ADAM23: variants seen among roughly 807,000 people sequenced by gnomAD.
ADAM23 encodes the protein ADAM metallopeptidase domain 23, also known as disintegrin and metalloproteinase domain-containing protein 23.
Under a neutral mutation model 120.1 loss-of-function variants are expected in ADAM23, and 33 were observed. That is an observed-to-expected ratio of 0.27 (90% confidence interval 0.21 to 0.37). ADAM23 has a LOEUF of 0.37. ADAM23 is among the 10% of genes least tolerant of loss of function. The probability of loss-of-function intolerance (pLI) is 1.00; values close to 1 mark genes in which losing one functional copy is unlikely to be tolerated. For synonymous variants in ADAM23, 367 were observed against 375.2 expected (o/e 0.98, Z 0.25); for missense variants, 862 against 1,058.2 (o/e 0.81, Z 2.57).
intron 15 of ADAM23, among the ~76,000 whole-genome samples, chr2:206,568,804 T>C (rs567614512): frequency 3.1e-4 from 47 of 152,336 alleles, no homozygotes; most frequent in African/African-American, 1.0e-3. Context: ...AGCGAAATAA[T>C]GTTAACCTTT....
intron 17 of ADAM23, 101 bp downstream of exon 17, chr2:206,571,917 G>A: frequency 1.9e-6 from 2 of 1,051,540 alleles, no homozygotes; most frequent in Non-Finnish European, 2.9e-6. Context: ...AAATTTCTTG[G>A]GTACAGTGTA....
intron 4 of ADAM23, among the ~76,000 whole-genome samples, chr2:206,531,629 C>T (rs954953665): frequency 2.6e-5 from 4 of 152,132 alleles, no homozygotes; most frequent in African/African-American, 7.2e-5. Context: ...CAGTGACCTC[C>T]GTCAGTCAGG....
rs1698981308 is a variant in ADAM23 at position 206,618,602 on chromosome 2, C to A, written c.*975C>A. On this transcript the variant is annotated 3_prime_UTR_variant, in exon 26 of 26. Coordinates refer to ENST00000264377, the MANE Select transcript of ADAM23 (RefSeq NM_003812.4). ...TCCTTCTCTCTTGTAACGTGTTATA[C>A]AATGACTCTTGGGCTTGCTTAAAAA... 6.6e-6 allele frequency: 1 copy of A among 152,098 alleles called. No homozygotes were observed. The highest frequency in any genetic ancestry group is 2.1e-4 in the South Asian group (1 of 4,826). 9.4% of individuals were successfully genotyped at this position (152,098 alleles called of 1,614,324 possible).
intron 2 of ADAM23, among the ~76,000 whole-genome samples, chr2:206,470,237 T>C (rs1447255937): frequency 1.3e-5 from 2 of 152,142 alleles, no homozygotes; most frequent in African/African-American, 2.4e-5. Flanking sequence ...ATTCCTCAGA[T>C]ACATAATAGA....
In ADAM23 at chr2:206,619,041, C is replaced by G. The variant is rs1010333452; in HGVS notation, c.*1414C>G. On this transcript the variant is annotated 3_prime_UTR_variant, in exon 26 of 26. Coordinates refer to ENST00000264377, the MANE Select transcript of ADAM23 (RefSeq NM_003812.4). ...TTAGTGTCAATATTTCATCCATGCTCATTTTCCTGCCTCAAAATATATATG... is the reference window on the plus strand; with the variant it reads ...TTAGTGTCAATATTTCATCCATGCTGATTTTCCTGCCTCAAAATATATATG... 6.6e-6 allele frequency: 1 copy of G among 152,218 alleles called. No individual in the cohort carries two copies. The highest frequency in any genetic ancestry group is 2.4e-5 in the African/African-American group (1 of 41,458). 9.4% of individuals were successfully genotyped at this position (152,218 alleles called of 1,614,324 possible). A position where few individuals can be genotyped will look rare whatever the true frequency, so the allele number is the denominator to read the frequency against.
In ADAM23 at chr2:206,464,312, C is replaced by T. The variant is rs1169956989; in HGVS notation, c.433-16920C>T. Among the ~76,000 whole-genome samples the T allele has an allele frequency of 6.6e-5, 10 of 152,206 alleles. 1 individual carries two copies. The highest frequency in any genetic ancestry group is 1.7e-4 in the African/African-American group (7 of 41,528). ...AATTTTGACTGGGCATGGTGGCTGA[C>T]GCCTGTAATCCCAGCACTTTGGGAG... On this transcript the variant is annotated intron_variant, in intron 2 of 25. Transcript: ENST00000264377.
At chr2:206,449,633 A>G (rs932943153) in intron 2 of ADAM23, among the ~76,000 whole-genome samples, 8 of 152,138 alleles carry the variant, frequency 5.3e-5, no homozygotes, top group African/African-American at 1.4e-4. Context: ...AGCCGGGCGC[A>G]GTGGTGCGCA....
chr2:206,586,569 C>T (rs1392572914), intron 18 of ADAM23, among the ~76,000 whole-genome samples: 5 of 152,174 alleles, frequency 3.3e-5, no homozygotes, highest in Admixed American at 6.5e-5. Context: ...CCTCAGTGCA[C>T]ACTGCTGTTT....
intron 3 of ADAM23, among the ~76,000 whole-genome samples, chr2:206,494,850 T>C (rs1367584603): frequency 3.3e-5 from 5 of 152,114 alleles, no homozygotes; most frequent in African/African-American, 1.2e-4. Flanking sequence ...ATGTGACGAA[T>C]GCACAAGCCT....
chr2:206,500,563 A>G lies in ADAM23; in HGVS notation c.509+19255A>G, dbSNP rs77663216. ...TTAGTATAATTTGACTACTAGCTCT[A>G]TAGGTAATACCTTTCACAGAGAAGC... On this transcript the variant is annotated intron_variant, in intron 3 of 25. Transcript: ENST00000264377. Among the ~76,000 whole-genome samples, 8 of 152,288 alleles carry G rather than the reference A, an allele frequency of 5.3e-5. No individual in the cohort carries two copies. In the East Asian group the frequency reaches 1.4e-3, roughly 26 times the overall value.
Position 206,617,832 on chromosome 2 carries a change from C to A in ADAM23, c.*205C>A. The A allele has an allele frequency of 8.9e-7, 1 of 1,117,962 alleles. No individual in the cohort carries two copies. Among genetic ancestry groups the A allele is most frequent in the Non-Finnish European group, 1.2e-6 (1 of 847,520 alleles). 69.3% of individuals were successfully genotyped at this position (1,117,962 alleles called of 1,614,324 possible). A position where few individuals can be genotyped will look rare whatever the true frequency, so the allele number is the denominator to read the frequency against. Reference sequence around the variant, plus strand: ...TCAAAGAACACCTTTCACCACCTGTCAGTAAACGGGGGAGGGGGCAAAAGA... The same window carrying A: ...TCAAAGAACACCTTTCACCACCTGTAAGTAAACGGGGGAGGGGGCAAAAGA... On this transcript the variant is annotated 3_prime_UTR_variant, in exon 26 of 26. Transcript: ENST00000264377.
At chr2:206,593,459 C>T (rs1460129687) in intron 22 of ADAM23, among the ~76,000 whole-genome samples, 2 of 152,112 alleles carry the variant, frequency 1.3e-5, no homozygotes, top group Non-Finnish European at 2.9e-5. Context: ...ATATCTTCAC[C>T]TTAAGTGAGG....
intron 8 of ADAM23, among the ~76,000 whole-genome samples, chr2:206,549,140 T>C (rs1697461001): frequency 6.6e-6 from 1 of 151,982 alleles, no homozygotes; most frequent in African/African-American, 2.4e-5. Flanking sequence ...TTGCACATTT[T>C]AGATAATGTT....
chr2:206,544,487 CA>C (rs1184254525), intron 6 of ADAM23, among the ~76,000 whole-genome samples: 2 of 151,906 alleles, frequency 1.3e-5, no homozygotes, highest in Non-Finnish European at 2.9e-5. Flanking sequence ...GAGATTGAGC[CA>C]AATGGGGCTT....
At chr2:206,494,299 C>T (rs1476117454) in intron 3 of ADAM23, among the ~76,000 whole-genome samples, 1 of 152,154 alleles carries the variant, frequency 6.6e-6, no homozygotes, top group African/African-American at 2.4e-5. Flanking sequence ...GAGGCTCTCC[C>T]TTATTACTGT....
intron 3 of ADAM23, 122 bp downstream of exon 3, chr2:206,481,430 G>A (rs1020283900): frequency 1.0e-4 from 62 of 611,194 alleles, no homozygotes; most frequent in Non-Finnish European, 1.5e-4. Flanking sequence ...TTATTATAGA[G>A]CATGTAAAGT....
In ADAM23 at chr2:206,617,569, A is replaced by G; in HGVS notation, c.2451-10A>G. On this transcript the variant is annotated splice_polypyrimidine_tract_variant and intron_variant, in intron 25 of 25. Transcript: ENST00000264377. Reference sequence around the variant, plus strand: ...CTCTGCTTGCATCTTCTTTTGACTCACTCTGGAAGAAATGTCAAGAAGAGA... The same window carrying G: ...CTCTGCTTGCATCTTCTTTTGACTCGCTCTGGAAGAAATGTCAAGAAGAGA... The G allele has an allele frequency of 6.3e-7, 1 of 1,598,246 alleles. No individual in the cohort carries two copies. Among genetic ancestry groups the G allele is most frequent in the Non-Finnish European group, 8.5e-7 (1 of 1,171,462 alleles).
intron 14 of ADAM23, 78 bp downstream of exon 14, chr2:206,565,146 G>A (rs1697852678): frequency 6.8e-6 from 9 of 1,333,126 alleles, no homozygotes; most frequent in Admixed American, 5.1e-5. Flanking sequence ...AAGGTCTCTC[G>A]GGTATTGGTC....
At chr2:206,521,874 C>G (rs1181593464) in intron 3 of ADAM23, among the ~76,000 whole-genome samples, 1 of 152,168 alleles carries the variant, frequency 6.6e-6, no homozygotes, top group African/African-American at 2.4e-5. Flanking sequence ...CCTCTGCATG[C>G]CAGTTTTCCT....
Sources: allele counts gnomAD v4.1 joint callset (sites outside exome capture counted in the v4.1 genomes callset), GRCh38; gene constraint gnomAD v4.1.1; transcripts MANE v1.5; gene names NCBI Gene and HGNC (gene_info 2026-07-23, HGNC 2026-07-21).